The following BPTF variants were observed in gnomAD, a reference collection of about 807,000 sequenced individuals.
BPTF encodes the protein bromodomain PHD finger transcription factor, also known as nucleosome-remodeling factor subunit BPTF.
A neutral mutation model predicts 292.5 loss-of-function variants in BPTF; 18 were observed. The ratio of observed to expected loss-of-function variants is 0.06; its 90% CI spans 0.04 to 0.09. The LOEUF (loss-of-function observed/expected upper bound fraction) is 0.09. BPTF is among the 10% of genes least tolerant of loss of function. BPTF has a pLI of 1.00. For missense variants in BPTF, 2,726 were observed against 3,498.7 expected, an observed-to-expected ratio of 0.78 and a Z score of 5.57; for synonymous variants, 1,225 against 1,251.9, an observed-to-expected ratio of 0.98 and a Z score of 0.45.
intron 11 of BPTF, among the ~76,000 whole-genome samples, 197 bp from the exon 12 acceptor site, chr17:67,918,517 C>T (rs1434149631): frequency 2.0e-5 from 3 of 151,938 alleles, no homozygotes; most frequent in South Asian, 2.1e-4. Flanking sequence ...ATGTTAGGTG[C>T]GTGTTATGCC....
intron 4 of BPTF, among the ~76,000 whole-genome samples, chr17:67,884,752 A>G (rs2060643762): frequency 6.6e-6 from 1 of 151,940 alleles, no homozygotes; most frequent in Non-Finnish European, 1.5e-5. Context: ...GTCTTTTGCC[A>G]TTTTAAATAC....
intron 1 of BPTF, among the ~76,000 whole-genome samples, chr17:67,843,531 T>G (rs1017663740): frequency 6.7e-6 from 1 of 149,020 alleles, no homozygotes; most frequent in African/African-American, 2.5e-5. Flanking sequence ...GATATATATC[T>G]AGATATATAT....
chr17:67,840,841 G>A (rs1203070259), intron 1 of BPTF, among the ~76,000 whole-genome samples: 12 of 152,008 alleles, frequency 7.9e-5, no homozygotes, highest in Non-Finnish European at 4.4e-5. Flanking sequence ...GGAATTACAG[G>A]CATGAGCCAC....
rs781602924 is a variant in BPTF at position 67,912,383 on chromosome 17, G to T, written c.4499G>T (p.Ser1500Ile). Reference protein sequence around the residue: ...SSDAEGNYRDSLETLPSTKES... With the variant: ...SSDAEGNYRDILETLPSTKES... Reference sequence around the variant, plus strand: ...GATGCTGAAGGTAACTACCGAGATAGCCTTGAGACCCTGCCATCAACCAAA... The same window carrying T: ...GATGCTGAAGGTAACTACCGAGATATCCTTGAGACCCTGCCATCAACCAAA... Residue 1500 changes from serine (S) to isoleucine (I), a missense_variant, in exon 11 of 28, where the codon AGC (serine) becomes ATC (isoleucine). Transcript: ENST00000306378. 3.7e-6 allele frequency: 6 copies of T among 1,614,132 alleles called. No individual in the cohort carries two copies. The South Asian group carries it at 5.5e-5, about 15-fold the overall frequency.
At chr17:67,909,879 A>G in intron 10 of BPTF, 118 bp downstream of exon 10, 1 of 812,722 alleles carries the variant, frequency 1.2e-6, no homozygotes, top group Non-Finnish European at 1.7e-6. Flanking sequence ...ATCAAAACAT[A>G]ATTGATATCC....
At chr17:67,981,881 A>ACACG in intron 27 of BPTF, 1 of 171,318 alleles carries the variant, frequency 5.8e-6, no homozygotes, top group Non-Finnish European at 1.1e-5. Context: ...ACACACACAC[A>ACACG]CACACACACA....
intron 23 of BPTF, chr17:67,956,235 C>T (rs1444288576): frequency 7.0e-6 from 1 of 142,740 alleles, no homozygotes; most frequent in East Asian, 2.2e-4. Flanking sequence ...AGGAGAATGG[C>T]GTGAACCCGG....
At chr17:67,875,953 G>C (rs976291241) in intron 4 of BPTF, among the ~76,000 whole-genome samples, 5 of 152,130 alleles carry the variant, frequency 3.3e-5, no homozygotes, top group African/African-American at 1.2e-4. Context: ...TAATTTTCAT[G>C]CTTCTTAAAC....
intron 24 of BPTF, among the ~76,000 whole-genome samples, chr17:67,963,009 T>C (rs2067667367): frequency 6.6e-6 from 1 of 152,178 alleles, no homozygotes; most frequent in South Asian, 2.1e-4. Context: ...CCTGTTACAG[T>C]TTTACACACA....
At chr17:67,842,465 C>T (rs973770820) in intron 1 of BPTF, among the ~76,000 whole-genome samples, 1 of 152,144 alleles carries the variant, frequency 6.6e-6, no homozygotes, top group Non-Finnish European at 1.5e-5. Context: ...ACTTCTAGAT[C>T]CACTTTTCTT....
chr17:67,952,574 T>G (rs1475150323), intron 23 of BPTF, among the ~76,000 whole-genome samples: 5 of 152,172 alleles, frequency 3.3e-5, no homozygotes, highest in Non-Finnish European at 7.3e-5. Flanking sequence ...ATAGGCTTAA[T>G]TTTTTAGAGC....
chr17:67,937,574 T>C (rs893357670), intron 18 of BPTF, among the ~76,000 whole-genome samples: 32 of 152,072 alleles, frequency 2.1e-4, no homozygotes, highest in African/African-American at 7.7e-4. Flanking sequence ...TGTGCAGATA[T>C]CTGAGGAAAG....
chr17:67,904,909 T>A (rs1037774989), intron 9 of BPTF, 69 bp downstream of exon 9: 1 of 1,252,880 alleles, frequency 8.0e-7, no homozygotes, highest in Admixed American at 2.4e-5. Context: ...TTTGTAGTAT[T>A]TTGACTATAT....
intron 9 of BPTF, among the ~76,000 whole-genome samples, chr17:67,906,345 C>G (rs2062192475): frequency 6.6e-6 from 1 of 152,154 alleles, no homozygotes; most frequent in Non-Finnish European, 1.5e-5. Context: ...TCCCAAAGTG[C>G]TGGGATTACA....
chr17:67,947,685 G>T (rs1555676124), intron 21 of BPTF, 41 bp from the exon 22 acceptor site: 2 of 1,479,020 alleles, frequency 1.4e-6, no homozygotes, highest in Admixed American at 4.1e-5. Flanking sequence ...AACCTGTGGT[G>T]ATTATAAAAT....
At chr17:67,919,685 G>A (rs900073346) in intron 12 of BPTF, among the ~76,000 whole-genome samples, 5 of 152,118 alleles carry the variant, frequency 3.3e-5, no homozygotes, top group African/African-American at 1.2e-4. Context: ...ATTTATGATT[G>A]TTTAATTAAA....
chr17:67,927,631 C>G (rs1339049438), intron 15 of BPTF, among the ~76,000 whole-genome samples: 3 of 152,148 alleles, frequency 2.0e-5, no homozygotes, highest in African/African-American at 7.2e-5. Flanking sequence ...TTGTTCTCAG[C>G]TCTGAATCTC....
intron 3 of BPTF, among the ~76,000 whole-genome samples, chr17:67,868,881 C>T (rs1246785227): frequency 6.6e-6 from 1 of 152,006 alleles, no homozygotes; most frequent in Non-Finnish European, 1.5e-5. Context: ...TATACTTTGT[C>T]TTCAGAAAAA....
At chr17:67,966,494 G>A (rs1187049600) in intron 25 of BPTF, 78 bp from the exon 26 acceptor site, 116 of 1,293,006 alleles carry the variant, frequency 9.0e-5, no homozygotes, top group Middle Eastern at 7.4e-4. Context: ...TGGGTTCATT[G>A]ATGTAGTAAC....
Sources: allele counts gnomAD v4.1 joint callset (sites outside exome capture counted in the v4.1 genomes callset), GRCh38; gene constraint gnomAD v4.1.1; transcripts MANE v1.5; gene names NCBI Gene and HGNC (gene_info 2026-07-23, HGNC 2026-07-21).